The following NTRK2 variants were observed in gnomAD, a reference collection of about 807,000 sequenced individuals.
NTRK2 encodes the protein BDNF/NT-3 growth factors receptor.
In NTRK2, 13 loss-of-function variants were observed where a neutral mutation model predicts 94.5. The ratio of observed to expected loss-of-function variants is 0.14; its 90% confidence interval spans 0.09 to 0.22. The LOEUF (loss-of-function observed/expected upper bound fraction) is 0.22. NTRK2 is among the 10% of genes least tolerant of loss of function. The pLI, the probability that NTRK2 is intolerant of heterozygous loss-of-function variation, is 1.00. For synonymous variants in NTRK2, 372 were observed against 407.4 expected (o/e 0.91, Z 1.05); for missense variants, 639 against 1,071.2 (o/e 0.60, Z 5.63).
At chr9:84,830,445 C>T (rs1253510913) in intron 12 of NTRK2, among the ~76,000 whole-genome samples, 2 of 151,916 alleles carry the variant, frequency 1.3e-5, no homozygotes, top group African/African-American at 2.4e-5. Flanking sequence ...GGTTTGGGTT[C>T]CTTATTATTT....
chr9:84,712,284 C>G (rs1210305307), intron 6 of NTRK2, among the ~76,000 whole-genome samples: 1 of 152,206 alleles, frequency 6.6e-6, no homozygotes, highest in African/African-American at 2.4e-5. Flanking sequence ...CGGGAATGCA[C>G]CCCGCCTTAC....
chr9:84,675,600 T>A (rs1264012851), intron 2 of NTRK2, among the ~76,000 whole-genome samples: 1 of 151,992 alleles, frequency 6.6e-6, no homozygotes, highest in Non-Finnish European at 1.5e-5. Context: ...ATAGGAGGAT[T>A]TGGGGGAGAG....
intron 12 of NTRK2, among the ~76,000 whole-genome samples, chr9:84,850,807 A>G (rs1450644698): frequency 6.6e-6 from 1 of 152,212 alleles, no homozygotes; most frequent in Non-Finnish European, 1.5e-5. Context: ...GTAGAAAGAA[A>G]TGACGCTGTC....
intron 12 of NTRK2, among the ~76,000 whole-genome samples, chr9:84,786,879 G>C (rs762992335): frequency 1.3e-5 from 2 of 152,012 alleles, no homozygotes; most frequent in Non-Finnish European, 2.9e-5. Flanking sequence ...ATCCACTCTC[G>C]ATTTTCATCT....
Position 84,745,009 on chromosome 9 carries a change from C to T in NTRK2, c.1232C>T (p.Thr411Met), listed in dbSNP as rs78629699. 272 of 1,613,780 alleles carry T rather than the reference C, an allele frequency of 1.7e-4. 1 individual carries two copies. Among genetic ancestry groups the T allele is most frequent in the Middle Eastern group, 4.9e-4 (3 of 6,062 alleles). ...GCAGCGAATGACATCGGGGACACCA[C>T]GAACAGAAGTAATGAAATCCCTTCC... ...GTAANDIGDT[T>M]NRSNEIPSTD... Residue 411 changes from threonine to methionine, a missense_variant, in exon 11 of 19, where the codon ACG becomes ATG. Thr to Met is a moderately conservative substitution (Grantham distance 81, BLOSUM62 -1). Around this residue, in one of 5 missense-constraint regions of NTRK2, gnomAD observed 343 missense variants for 571.5 expected, o/e 0.60. Coordinates refer to ENST00000277120, the MANE Select transcript of NTRK2 (RefSeq NM_006180.6).
At position 84,749,321 on chromosome 9, in the gene NTRK2, C is replaced by T. The variant is rs116435651; in HGVS notation, c.1297-2665C>T. Among the ~76,000 whole-genome samples, 1,424 of 152,176 alleles carry T rather than the reference C, an allele frequency of 9.4e-3. 20 individuals are homozygous for T. Among genetic ancestry groups the T allele is most frequent in the African/African-American group, 0.033 (1,352 of 41,536 alleles). On this transcript the variant is annotated intron_variant, in intron 11 of 18. Transcript: ENST00000277120. ...GTACCAGAGAAGAGAATGATCATTACTTTTGCTCCACACTGGCCAAGAGCT... is the reference window on the plus strand; with the variant it reads ...GTACCAGAGAAGAGAATGATCATTATTTTTGCTCCACACTGGCCAAGAGCT...
At chr9:84,913,963 G>A (rs1472985938) in intron 14 of NTRK2, among the ~76,000 whole-genome samples, 1 of 151,738 alleles carries the variant, frequency 6.6e-6, no homozygotes, top group Non-Finnish European at 1.5e-5. Context: ...AGTTCCCTGA[G>A]GCTCCATTTC....
rs529862840 is a variant in NTRK2, at chr9:84,940,813, A to C, written c.1764+6521A>C. Reference sequence around the variant, plus strand: ...GCTCTACCCAGGTAAGGTTATTTCTAAGACAGATGGCTCTTTTCATTATTT... The same window carrying C: ...GCTCTACCCAGGTAAGGTTATTTCTCAGACAGATGGCTCTTTTCATTATTT... On this transcript the variant is annotated intron_variant, in intron 15 of 18. Coordinates refer to ENST00000277120, the MANE Select transcript of NTRK2 (RefSeq NM_006180.6). Among the ~76,000 whole-genome samples, 4 of 151,710 alleles carry C rather than the reference A, an allele frequency of 2.6e-5. No homozygotes were observed. The South Asian group carries it at 8.3e-4, about 32-fold the overall frequency.
intron 2 of NTRK2, among the ~76,000 whole-genome samples, chr9:84,679,193 T>C (rs2059245009): frequency 6.6e-6 from 1 of 152,226 alleles, no homozygotes; most frequent in Non-Finnish European, 1.5e-5. Context: ...CAGTCTAAGA[T>C]ATTTTATTTT....
intron 9 of NTRK2, among the ~76,000 whole-genome samples, chr9:84,731,342 C>A (rs1437349827): frequency 6.6e-6 from 1 of 151,970 alleles, no homozygotes; most frequent in African/African-American, 2.4e-5. Flanking sequence ...AGGCTGAGGT[C>A]AGAGGATTGC....
intron 12 of NTRK2, among the ~76,000 whole-genome samples, chr9:84,779,852 A>C (rs2067395088): frequency 6.6e-6 from 1 of 152,166 alleles, no homozygotes; most frequent in African/African-American, 2.4e-5. Flanking sequence ...CTCTCTGGAG[A>C]AGCCTCCTTC....
In NTRK2 at chr9:84,874,995, T is replaced by G. The variant is rs1459462535; in HGVS notation, c.1633+7564T>G. 3.8e-6 allele frequency: 4 copies of G among 1,055,446 alleles called. No homozygotes were observed. The African/African-American group carries it at 6.6e-5, about 17-fold the overall frequency. The allele number at this position is 1,055,446 out of a possible 1,614,324, so 65.4% of individuals were successfully genotyped here. A position where few individuals can be genotyped will look rare whatever the true frequency, so the allele number is the denominator to read the frequency against. On this transcript the variant is annotated intron_variant, in intron 14 of 18. Coordinates refer to ENST00000277120, the MANE Select transcript of NTRK2 (RefSeq NM_006180.6). ...GGTATTTTAAAATAAGAATAAATAA[T>G]GTAGATTTAGTAGAAAACCTGGAAA...
intron 14 of NTRK2, among the ~76,000 whole-genome samples, chr9:84,931,083 T>C (rs1480937039): frequency 6.6e-6 from 1 of 152,100 alleles, no homozygotes; most frequent in Non-Finnish European, 1.5e-5. Flanking sequence ...AATACAAAAT[T>C]CCTGTGCCCC....
chr9:84,806,468 A>G (rs2071124006), intron 12 of NTRK2, among the ~76,000 whole-genome samples: 1 of 152,170 alleles, frequency 6.6e-6, no homozygotes, highest in South Asian at 2.1e-4. Flanking sequence ...GAGCACAGAG[A>G]AGAAAGGACC....
chr9:84,936,656 C>G (rs1045208022), intron 15 of NTRK2, among the ~76,000 whole-genome samples: 11 of 152,068 alleles, frequency 7.2e-5, no homozygotes, highest in Non-Finnish European at 1.5e-4. Context: ...TTAATCAACA[C>G]TGCTTAAAAA....
intron 9 of NTRK2, among the ~76,000 whole-genome samples, chr9:84,732,028 G>A (rs894520574): frequency 1.3e-5 from 2 of 152,148 alleles, no homozygotes; most frequent in East Asian, 1.9e-4. Context: ...ATACTAAATC[G>A]ATCACTTTGG....
chr9:84,749,647 T>A (rs2064409488), intron 11 of NTRK2, among the ~76,000 whole-genome samples: 1 of 152,242 alleles, frequency 6.6e-6, no homozygotes, highest in Non-Finnish European at 1.5e-5. Context: ...TAGTAGATAC[T>A]GTTCCAAACC....
At chr9:84,698,569 T>G (rs2060532102) in intron 2 of NTRK2, among the ~76,000 whole-genome samples, 1 of 152,172 alleles carries the variant, frequency 6.6e-6, no homozygotes, top group South Asian at 2.1e-4. Context: ...GGAATAGAAT[T>G]GCTGGGCCCT....
intron 2 of NTRK2, among the ~76,000 whole-genome samples, chr9:84,682,501 G>T (rs1406486456): frequency 1.3e-5 from 2 of 151,984 alleles, no homozygotes; most frequent in African/African-American, 4.8e-5. Flanking sequence ...GTTTGCCTGG[G>T]CCCTTTGGTA....
Sources: allele counts gnomAD v4.1 joint callset (sites outside exome capture counted in the v4.1 genomes callset), GRCh38; gene constraint gnomAD v4.1.1; regional missense constraint gnomAD v4.1.1; transcripts MANE v1.5; gene names NCBI Gene and HGNC (gene_info 2026-07-23, HGNC 2026-07-21).